The following ST3GAL3 variants were observed in gnomAD, a reference collection of about 807,000 sequenced individuals.
The protein encoded by ST3GAL3 is CMP-N-acetylneuraminate-beta-1,4-galactoside alpha-2,3-sialyltransferase.
ST3GAL3 carries 21 observed loss-of-function variants against 50.1 expected under a neutral mutation model. The ratio of observed to expected loss-of-function variants is 0.42; its 90% CI spans 0.30 to 0.60. The LOEUF is 0.60. Ranked by LOEUF, ST3GAL3 falls within the 20% of genes least tolerant of loss-of-function variation. The probability of loss-of-function intolerance (pLI) is 0.19; values close to 1 mark genes in which losing one functional copy is unlikely to be tolerated. For synonymous variants in ST3GAL3, 183 were observed against 190.0 expected (o/e 0.96, Z 0.30); for missense variants, 353 against 489.4 (o/e 0.72, Z 2.63).
chr1:43,748,674 T>A (rs1558129258), intron 2 of ST3GAL3, among the ~76,000 whole-genome samples: 1 of 152,190 alleles, frequency 6.6e-6, no homozygotes, highest in East Asian at 1.9e-4. Context: ...CCTCCCACCT[T>A]GGCCTCCCAA....
chr1:43,775,532 C>T (rs557348016), intron 2 of ST3GAL3, among the ~76,000 whole-genome samples: 12 of 152,174 alleles, frequency 7.9e-5, no homozygotes, highest in Admixed American at 1.3e-4. Context: ...CGCACTCAGC[C>T]GGAAATCTGA....
chr1:43,901,344 G>A (rs1558795659), intron 9 of ST3GAL3, among the ~76,000 whole-genome samples: 1 of 152,330 alleles, frequency 6.6e-6, no homozygotes, highest in East Asian at 1.9e-4. Flanking sequence ...CACCATAAAT[G>A]ATCTGGAATT....
intron 3 of ST3GAL3, among the ~76,000 whole-genome samples, chr1:43,804,845 G>A (rs137982678): frequency 1.4e-4 from 21 of 152,272 alleles, no homozygotes; most frequent in African/African-American, 4.1e-4. Flanking sequence ...AGCCCCTGCT[G>A]CTGCCATCAC....
intron 9 of ST3GAL3, chr1:43,919,069 CTTTTTTTTTTTTTT>C (rs1170641209): frequency 3.3e-5 from 2 of 60,318 alleles, no homozygotes; most frequent in Non-Finnish European, 5.9e-5. Flanking sequence ...TTCTTTGTTT[CTTTTTTTTTTTTTT>C]TTTTTTTTTT....
intron 1 of ST3GAL3, among the ~76,000 whole-genome samples, chr1:43,725,260 C>T (rs1441948997): frequency 6.6e-6 from 1 of 151,922 alleles, no homozygotes; most frequent in East Asian, 1.9e-4. Context: ...GGCTGCAGTG[C>T]AGTGGTGCAA....
At chr1:43,837,680 T>C (rs1295848726) in intron 4 of ST3GAL3, among the ~76,000 whole-genome samples, 1 of 152,192 alleles carries the variant, frequency 6.6e-6, no homozygotes, top group Non-Finnish European at 1.5e-5. Context: ...CAAAGAATTA[T>C]GAGTTTGAGC....
chr1:43,913,012 G>A (rs989098061), intron 9 of ST3GAL3: 1 of 152,358 alleles, frequency 6.6e-6, no homozygotes, highest in Non-Finnish European at 1.5e-5. Context: ...GAAGCCTTGG[G>A]CCAGATGTGG....
intron 1 of ST3GAL3, among the ~76,000 whole-genome samples, chr1:43,714,027 G>C (rs1666068830): frequency 6.6e-6 from 1 of 152,146 alleles, no homozygotes; most frequent in Non-Finnish European, 1.5e-5. Context: ...ACTTTGGGAG[G>C]CCGAGGTGGG....
chr1:43,765,743 C>CTGTG lies in ST3GAL3; in HGVS notation c.119-26353_119-26350dup, dbSNP rs763910168. The stretch of plus-strand genomic sequence containing the variant: ...AACAATTTCATGTGCATGTGTGTGT[C>CTGTG]TGTGTGTGTCTGTGTGTGTGTGTGT... On this transcript the variant is annotated intron_variant, in intron 2 of 11. Transcript: ENST00000347631. Among the ~76,000 whole-genome samples the CTGTG allele has an allele frequency of 1.9e-3, 273 of 140,848 alleles. 2 individuals are homozygous for CTGTG. The highest frequency in any genetic ancestry group is 6.5e-3 in the African/African-American group (252 of 38,822). 92.4% of individuals were successfully genotyped at this position (140,848 alleles called of 152,430 possible).
At chr1:43,774,308 G>A (rs1473389625) in intron 2 of ST3GAL3, among the ~76,000 whole-genome samples, 2 of 152,110 alleles carry the variant, frequency 1.3e-5, no homozygotes, top group African/African-American at 4.8e-5. Flanking sequence ...CTGAGCACAT[G>A]GAACTATATA....
chr1:43,851,013 G>T (rs2067192206), intron 5 of ST3GAL3: 4 of 847,060 alleles, frequency 4.7e-6, no homozygotes, highest in Non-Finnish European at 4.1e-6. Context: ...CAAATGGGGA[G>T]GGCACCACGC....
intron 4 of ST3GAL3, among the ~76,000 whole-genome samples, chr1:43,817,562 T>TTCTTCTTC (rs1334790361): frequency 7.4e-5 from 3 of 40,606 alleles, no homozygotes; most frequent in African/African-American, 2.7e-4. Context: ...CTTCTCCTTC[T>TTCTTCTTC]TCCTTCTTCT....
chr1:43,868,507 C>G (rs2071862127), intron 5 of ST3GAL3, among the ~76,000 whole-genome samples: 1 of 152,134 alleles, frequency 6.6e-6, no homozygotes, highest in Non-Finnish European at 1.5e-5. Context: ...CAAAGTCATT[C>G]CTGGGAGAAC....
chr1:43,768,278 A>AT (rs201935671), intron 2 of ST3GAL3, among the ~76,000 whole-genome samples: 4 of 151,908 alleles, frequency 2.6e-5, no homozygotes, highest in Admixed American at 6.6e-5. Context: ...CTACAAAAAA[A>AT]TTTTTTTTAA....
At chr1:43,856,392 T>C (rs1270741929) in intron 5 of ST3GAL3, among the ~76,000 whole-genome samples, 1 of 152,172 alleles carries the variant, frequency 6.6e-6, no homozygotes, top group Non-Finnish European at 1.5e-5. Context: ...CTCAAGGTCA[T>C]AGTAGCACAG....
In ST3GAL3 at chr1:43,785,679, C is replaced by T. The variant is rs151241754; in HGVS notation, c.119-6423C>T. The stretch of plus-strand genomic sequence containing the variant: ...GTGGGCGCTAGGGCCCAGCATCTAG[C>T]GCAGCCTACAGCATCCAAGTCTCTA... On this transcript the variant is annotated intron_variant, in intron 2 of 11. Coordinates refer to ENST00000347631, the MANE Select transcript of ST3GAL3 (RefSeq NM_006279.5). Among the ~76,000 whole-genome samples the T allele has an allele frequency of 2.1e-3, 319 of 152,260 alleles. 1 individual carries two copies. The highest frequency in any genetic ancestry group is 7.3e-3 in the African/African-American group (303 of 41,550).
intron 3 of ST3GAL3, chr1:43,801,447 G>A: frequency 2.2e-6 from 1 of 446,634 alleles, no homozygotes; most frequent in South Asian, 1.6e-5. Flanking sequence ...GCTACAGTAG[G>A]ACACCTGGCT....
At chr1:43,898,192 G>A in intron 6 of ST3GAL3, 43 bp from the exon 7 acceptor site, 2 of 1,603,038 alleles carry the variant, frequency 1.2e-6, no homozygotes, top group Non-Finnish European at 1.7e-6. Flanking sequence ...TTTATAGAAA[G>A]GTAAGTGACC....
chr1:43,758,297 C>CTGGA (rs796677018), intron 2 of ST3GAL3, among the ~76,000 whole-genome samples: 20 of 152,182 alleles, frequency 1.3e-4, no homozygotes, highest in African/African-American at 4.8e-4. Flanking sequence ...GCCACCCAGG[C>CTGGA]TGGAGTGCAG....
Sources: gnomAD v4.1 joint callset for allele counts (sites outside exome capture counted in the v4.1 genomes callset) on GRCh38, gnomAD v4.1.1 for gene constraint, MANE v1.5 for transcripts, NCBI Gene and HGNC (gene_info 2026-07-23, HGNC 2026-07-21) for gene names.